Variants in SLC10A7 observed in about 807,000 individuals in gnomAD.
SLC10A7 encodes solute carrier family 10 member 7.
SLC10A7 carries 29 observed loss-of-function variants against 43.2 expected under a neutral mutation model. The observed-to-expected ratio is 0.67, with a 90% confidence interval of 0.50 to 0.92. The LOEUF (loss-of-function observed/expected upper bound fraction) is 0.92. Among genes scored for constraint, SLC10A7 ranks in the 40% least tolerant of loss-of-function variants. The pLI is 0.00. For missense variants in SLC10A7, 295 were observed against 403.2 expected (o/e 0.73, Z 2.30); for synonymous variants, 152 against 144.8 (o/e 1.05, Z -0.35).
At chr4:146,432,208 C>T (rs1394176055) in intron 5 of SLC10A7, among the ~76,000 whole-genome samples, 1 of 152,154 alleles carries the variant, frequency 6.6e-6, no homozygotes, top group African/African-American at 2.4e-5. Flanking sequence ...GGTACAATCA[C>T]TTTGGGAAAG....
At chr4:146,404,573 G>A (rs1306920661) in intron 5 of SLC10A7, among the ~76,000 whole-genome samples, 2 of 151,068 alleles carry the variant, frequency 1.3e-5, no homozygotes, top group Non-Finnish European at 2.9e-5. Context: ...TATTTGATCT[G>A]TAAAAGTTGT....
At chr4:146,321,128 G>T (rs1239905831) in intron 6 of SLC10A7, among the ~76,000 whole-genome samples, 1 of 151,934 alleles carries the variant, frequency 6.6e-6, no homozygotes, top group Non-Finnish European at 1.5e-5. Context: ...TTAGTTTCTT[G>T]TACTTCTATA....
At chr4:146,515,555 A>G (rs78225549) in intron 2 of SLC10A7, among the ~76,000 whole-genome samples, 129 of 152,320 alleles carry the variant, frequency 8.5e-4, no homozygotes, top group African/African-American at 3.1e-3. Flanking sequence ...AATATTTACA[A>G]TTCTTGAGAC....
At chr4:146,288,722 T>C (rs1158710203) in intron 9 of SLC10A7, among the ~76,000 whole-genome samples, 2 of 152,212 alleles carry the variant, frequency 1.3e-5, no homozygotes, top group Admixed American at 1.3e-4. Context: ...AACATCTCTA[T>C]TGGGTCTGCT....
intron 4 of SLC10A7, among the ~76,000 whole-genome samples, chr4:146,482,899 G>A (rs974768710): frequency 9.9e-5 from 15 of 151,876 alleles, no homozygotes; most frequent in African/African-American, 3.6e-4. Context: ...GGATTTCTCA[G>A]GAAAAATCTT....
At chr4:146,475,357 T>C (rs1042734272) in intron 4 of SLC10A7, among the ~76,000 whole-genome samples, 1 of 152,208 alleles carries the variant, frequency 6.6e-6, no homozygotes, top group African/African-American at 2.4e-5. Context: ...AATAATCCAC[T>C]TAAAACGTTT....
chr4:146,269,070 A>G (rs1369808990), intron 10 of SLC10A7, among the ~76,000 whole-genome samples: 1 of 152,232 alleles, frequency 6.6e-6, no homozygotes, highest in African/African-American at 2.4e-5. Flanking sequence ...TTAGTCTTCA[A>G]CGACCCAGGC....
intron 4 of SLC10A7, among the ~76,000 whole-genome samples, chr4:146,445,207 T>G (rs1001676650): frequency 1.3e-5 from 2 of 152,180 alleles, no homozygotes; most frequent in African/African-American, 4.8e-5. Context: ...CCTCTTCTAC[T>G]TTGGTAATTC....
At chr4:146,475,133 AT>A (rs1733914892) in intron 4 of SLC10A7, among the ~76,000 whole-genome samples, 1 of 152,172 alleles carries the variant, frequency 6.6e-6, no homozygotes. Context: ...ACACGTTAAA[AT>A]AGATGCCATT....
intron 6 of SLC10A7, among the ~76,000 whole-genome samples, chr4:146,309,041 C>T (rs181954081): frequency 1.3e-5 from 2 of 152,238 alleles, no homozygotes; most frequent in East Asian, 1.9e-4. Flanking sequence ...GGTCGGTGTG[C>T]ACGCCTGTCC....
At chr4:146,330,457 T>C (rs1482100356) in intron 5 of SLC10A7, among the ~76,000 whole-genome samples, 1 of 152,186 alleles carries the variant, frequency 6.6e-6, no homozygotes, top group Non-Finnish European at 1.5e-5. Context: ...AATATCAGTT[T>C]TGAAAGGGAT....
intron 5 of SLC10A7, among the ~76,000 whole-genome samples, chr4:146,411,930 T>C (rs780247510): frequency 1.4e-4 from 22 of 152,158 alleles, no homozygotes; most frequent in Admixed American, 3.9e-4. Context: ...AAAAGGCACC[T>C]TTTCCCTAAC....
At chr4:146,500,075 A>G (rs1480150758) in intron 4 of SLC10A7, among the ~76,000 whole-genome samples, 2 of 152,182 alleles carry the variant, frequency 1.3e-5, no homozygotes, top group Non-Finnish European at 2.9e-5. Context: ...TAAAACTCCT[A>G]TACCTCCTCT....
intron 4 of SLC10A7, among the ~76,000 whole-genome samples, chr4:146,444,154 A>G (rs1730836789): frequency 6.6e-6 from 1 of 152,232 alleles, no homozygotes; most frequent in African/African-American, 2.4e-5. Flanking sequence ...TGTATGGGGA[A>G]AAATAAGTAA....
chr4:146,470,963 A>G (rs1733517855), intron 4 of SLC10A7, among the ~76,000 whole-genome samples: 1 of 152,248 alleles, frequency 6.6e-6, no homozygotes, highest in African/African-American at 2.4e-5. Flanking sequence ...AGTAAAAAAC[A>G]TGAGATGTAT....
At chr4:146,443,617 C>T (rs1290150945) in intron 4 of SLC10A7, among the ~76,000 whole-genome samples, 1 of 152,072 alleles carries the variant, frequency 6.6e-6, no homozygotes, top group Non-Finnish European at 1.5e-5. Context: ...GTAGAGAGAA[C>T]CTATTTACAT....
intron 5 of SLC10A7, among the ~76,000 whole-genome samples, chr4:146,388,045 A>C: frequency 6.6e-6 from 1 of 152,198 alleles, no homozygotes; most frequent in East Asian, 1.9e-4. Context: ...AATTACCAAC[A>C]TCATTTTTCA....
chr4:146,378,455 CA>C (rs1251370101), intron 5 of SLC10A7, among the ~76,000 whole-genome samples: 34 of 152,160 alleles, frequency 2.2e-4, no homozygotes, highest in African/African-American at 8.0e-4. Flanking sequence ...TGAAGAGACA[CA>C]ATCAACCAAG....
In SLC10A7 at chr4:146,294,449, C is replaced by T. The variant is rs988566611; in HGVS notation, c.556-354G>A. On this transcript the variant is annotated intron_variant, in intron 7 of 11. Transcript: ENST00000335472. ...ATGGATGTGTGTAATTATCACAGTC[C>T]CCTTTGCCTCAACAGACAATTCCAA... 5.3e-5 allele frequency among the ~76,000 whole-genome samples: 8 copies of T among 152,222 alleles called. No homozygotes were observed. The East Asian group carries it at 1.4e-3, about 26-fold the overall frequency.
Sources: allele counts gnomAD v4.1 joint callset (sites outside exome capture counted in the v4.1 genomes callset), GRCh38; gene constraint gnomAD v4.1.1; transcripts MANE v1.5; gene names NCBI Gene and HGNC (gene_info 2026-07-23, HGNC 2026-07-21).